The following NDST4 variants were observed in gnomAD, a reference collection of about 807,000 sequenced individuals.
NDST4 encodes the protein N-heparan sulfate sulfotransferase 4.
Under a neutral mutation model 100.8 loss-of-function variants are expected in NDST4, and 63 were observed. That is an observed-to-expected ratio of 0.62 (90% confidence interval 0.51 to 0.77). The LOEUF is 0.77. Ranked by LOEUF, NDST4 falls within the 30% of genes least tolerant of loss-of-function variation. The probability of loss-of-function intolerance (pLI) is 0.00; values close to 1 mark genes in which losing one functional copy is unlikely to be tolerated. For synonymous variants in NDST4, 377 were observed against 361.8 expected, an observed-to-expected ratio of 1.04 and a Z score of -0.48; for missense variants, 943 against 1,018.4, an observed-to-expected ratio of 0.93 and a Z score of 1.01.
chr4:115,003,898 C>A (rs978853314), intron 2 of NDST4, among the ~76,000 whole-genome samples: 11 of 151,928 alleles, frequency 7.2e-5, no homozygotes, highest in Non-Finnish European at 1.6e-4. Context: ...TAATTAATGT[C>A]ATTTTAAAAT....
At chr4:114,877,149 G>A (rs1179324174) in intron 6 of NDST4, among the ~76,000 whole-genome samples, 2 of 152,046 alleles carry the variant, frequency 1.3e-5, no homozygotes, top group Non-Finnish European at 2.9e-5. Flanking sequence ...TTATTCCATG[G>A]TTCTCCCAGA....
intron 6 of NDST4, among the ~76,000 whole-genome samples, chr4:114,882,566 C>T (rs1170559474): frequency 6.6e-6 from 1 of 151,472 alleles, no homozygotes; most frequent in African/African-American, 2.4e-5. Flanking sequence ...AGAAACTTCC[C>T]AAACTAAAGT....
At position 115,076,817 on chromosome 4, in the gene NDST4, A is replaced by T. The variant is rs528895173; in HGVS notation, c.220T>A (p.Ser74Thr). 6.2e-7 allele frequency: 1 copy of T among 1,613,902 alleles called. No individual in the cohort carries two copies. The highest frequency in any genetic ancestry group is 2.2e-5 in the East Asian group (1 of 44,816). Reference sequence around the variant, plus strand: ...AGAAGGACAGTAGGGTCCGTTTTGGATGTGTCAATAGGTTTAACTGTTTTC... The same window carrying T: ...AGAAGGACAGTAGGGTCCGTTTTGGTTGTGTCAATAGGTTTAACTGTTTTC... ...ELKTVKPIDTSKTDPTVLLFV... is the reference protein window; with the variant it reads ...ELKTVKPIDTTKTDPTVLLFV... The change falls in exon 2 of 14, where the codon TCC becomes ACC. Residue 74 changes from serine to threonine, a missense_variant. Physicochemically the swap from Ser to Thr is moderately conservative, Grantham distance 58. This residue lies in a region of NDST4 where 417 missense variants were observed against 384.2 expected (regional missense o/e 1.09). Transcript: ENST00000264363.
At chr4:115,083,908 A>G (rs941144885) in intron 1 of NDST4, among the ~76,000 whole-genome samples, 4 of 152,284 alleles carry the variant, frequency 2.6e-5, no homozygotes, top group African/African-American at 7.2e-5. Context: ...GTTTCTTCAT[A>G]GAAGCGTGAG....
intron 6 of NDST4, among the ~76,000 whole-genome samples, chr4:114,904,364 C>T (rs977597758): frequency 5.3e-5 from 8 of 151,922 alleles, no homozygotes; most frequent in Admixed American, 1.3e-4. Context: ...AAATTTTACA[C>T]GATATTCTTG....
In NDST4 at chr4:114,847,412, A is replaced by C. The variant is rs1055717178; in HGVS notation, c.1940+803T>G. Among the ~76,000 whole-genome samples, 3 of 147,726 alleles carry C rather than the reference A, an allele frequency of 2.0e-5. No individual in the cohort carries two copies. The East Asian group carries it at 5.9e-4, about 29-fold the overall frequency. On this transcript the variant is annotated intron_variant, in intron 9 of 13. Transcript: ENST00000264363. The stretch of plus-strand genomic sequence containing the variant: ...AAAAAAAAAAAAAAAAAAAAAAAAA[A>C]AAAAGTGTCTTTCATTGCAAACAGG...
intron 4 of NDST4, among the ~76,000 whole-genome samples, chr4:114,947,967 T>C (rs1355733961): frequency 6.6e-6 from 1 of 152,104 alleles, no homozygotes; most frequent in South Asian, 2.1e-4. Context: ...TTTTCGAAGC[T>C]GTCTACCGTG....
At chr4:114,909,533 G>A (rs1232710011) in intron 6 of NDST4, among the ~76,000 whole-genome samples, 4 of 150,934 alleles carry the variant, frequency 2.7e-5, no homozygotes, top group Non-Finnish European at 4.4e-5. Context: ...GGTGGCGGGC[G>A]CCTGTAGTCC....
At chr4:114,992,522 T>C (rs1377212228) in intron 2 of NDST4, among the ~76,000 whole-genome samples, 1 of 151,630 alleles carries the variant, frequency 6.6e-6, no homozygotes, top group Non-Finnish European at 1.5e-5. Flanking sequence ...ATGTTTGAAC[T>C]ATATGGGTCT....
At chr4:115,011,463 A>ATT in intron 2 of NDST4, among the ~76,000 whole-genome samples, 1 of 144,596 alleles carries the variant, frequency 6.9e-6, no homozygotes, top group South Asian at 2.2e-4. Flanking sequence ...AGGCATCACT[A>ATT]TTTTTTTTTT....
intron 6 of NDST4, among the ~76,000 whole-genome samples, chr4:114,911,197 CTT>C (rs1725054212): frequency 6.6e-6 from 1 of 151,726 alleles, no homozygotes; most frequent in South Asian, 2.1e-4. Flanking sequence ...CATTGCGTGA[CTT>C]AGTCTTGATT....
intron 6 of NDST4, among the ~76,000 whole-genome samples, chr4:114,916,524 T>A (rs923100734): frequency 2.7e-5 from 4 of 150,054 alleles, no homozygotes; most frequent in Admixed American, 6.7e-5. Flanking sequence ...TGTCACATTG[T>A]CCTGGTAGGC....
At chr4:115,017,118 A>G (rs1727696011) in intron 2 of NDST4, among the ~76,000 whole-genome samples, 1 of 151,968 alleles carries the variant, frequency 6.6e-6, no homozygotes, top group African/African-American at 2.4e-5. Flanking sequence ...TTGATTTTCA[A>G]TTACAAAATG....
At chr4:114,967,350 T>C (rs1186139605) in intron 4 of NDST4, among the ~76,000 whole-genome samples, 1 of 152,132 alleles carries the variant, frequency 6.6e-6, no homozygotes, top group South Asian at 2.1e-4. Context: ...AATATATTTA[T>C]AGGAATAAGT....
chr4:115,080,498 C>T (rs1030214653), intron 1 of NDST4, among the ~76,000 whole-genome samples: 9 of 151,978 alleles, frequency 5.9e-5, no homozygotes, highest in Admixed American at 3.9e-4. Flanking sequence ...AACTCAGCTC[C>T]CTTTAACCAA....
chr4:114,834,394 G>T (rs1723266291), intron 11 of NDST4, among the ~76,000 whole-genome samples: 1 of 151,626 alleles, frequency 6.6e-6, no homozygotes, highest in African/African-American at 2.4e-5. Flanking sequence ...GGCTCCTGTA[G>T]TCCCAGCTAC....
chr4:114,980,566 T>G (rs964110673), intron 2 of NDST4, among the ~76,000 whole-genome samples: 4 of 152,106 alleles, frequency 2.6e-5, no homozygotes, highest in Non-Finnish European at 4.4e-5. Flanking sequence ...CACTTAAACC[T>G]GGGAGGTGGA....
chr4:114,854,422 G>GT (rs1723746329), intron 7 of NDST4, among the ~76,000 whole-genome samples: 1 of 152,146 alleles, frequency 6.6e-6, no homozygotes, highest in Non-Finnish European at 1.5e-5. Context: ...ATTGTGAATA[G>GT]TGCTGAAATA....
intron 3 of NDST4, among the ~76,000 whole-genome samples, chr4:114,974,553 T>G (rs186905166): frequency 7.2e-5 from 11 of 152,144 alleles, no homozygotes; most frequent in African/African-American, 2.7e-4. Context: ...AGAAGGCATC[T>G]GAATACTATA....
Sources: allele counts gnomAD v4.1 joint callset (sites outside exome capture counted in the v4.1 genomes callset), GRCh38; gene constraint gnomAD v4.1.1; regional missense constraint gnomAD v4.1.1; transcripts MANE v1.5; gene names NCBI Gene and HGNC (gene_info 2026-07-23, HGNC 2026-07-21).